SP4: variants seen among roughly 807,000 people sequenced by gnomAD.
SP4 encodes the protein Sp4 transcription factor, also known as transcription factor Sp4.
Under a neutral mutation model 72.8 loss-of-function variants are expected in SP4, and 19 were observed. That is an observed-to-expected ratio of 0.26 (90% CI 0.18 to 0.38). SP4 has a LOEUF of 0.38. Among genes scored for constraint, SP4 ranks in the 10% least tolerant of loss-of-function variants. The pLI is 1.00. For missense variants in SP4, 1,008 were observed against 926.3 expected, an observed-to-expected ratio of 1.09 and a Z score of -1.14; for synonymous variants, 395 against 333.1, an observed-to-expected ratio of 1.19 and a Z score of -2.02.
intron 3 of SP4, among the ~76,000 whole-genome samples, chr7:21,456,863 C>T (rs538374555): frequency 1.3e-5 from 2 of 152,332 alleles, no homozygotes; most frequent in East Asian, 3.9e-4. Context: ...CAAGGTCTTT[C>T]CCATCCCCAC....
chr7:21,508,751 A>G (rs868849046), intron 5 of SP4, among the ~76,000 whole-genome samples: 4 of 151,434 alleles, frequency 2.6e-5, no homozygotes, highest in African/African-American at 4.9e-5. Context: ...AGGCTTGCCA[A>G]CTGTGGCTTG....
intron 3 of SP4, among the ~76,000 whole-genome samples, chr7:21,459,430 C>A (rs1783882754): frequency 6.6e-6 from 1 of 152,042 alleles, no homozygotes; most frequent in Non-Finnish European, 1.5e-5. Flanking sequence ...ATTCTTATAC[C>A]CACCCACACA....
At chr7:21,447,538 C>G (rs553767865) in intron 3 of SP4, among the ~76,000 whole-genome samples, 1 of 152,196 alleles carries the variant, frequency 6.6e-6, no homozygotes, top group Non-Finnish European at 1.5e-5. Flanking sequence ...ATTTATAGTC[C>G]AAGAGGTCTC....
rs1782998709 is a variant in SP4 at position 21,434,925 on chromosome 7, C to A, written c.1678+4082C>A. Among the ~76,000 whole-genome samples, 2 of 152,166 alleles carry A rather than the reference C, an allele frequency of 1.3e-5. 1 individual carries two copies. The highest frequency in any genetic ancestry group is 6.8e-3 in the Middle Eastern group (2 of 294). On this transcript the variant is annotated intron_variant, in intron 3 of 5. Coordinates refer to ENST00000222584, the MANE Select transcript of SP4 (RefSeq NM_003112.5). ...AGCTCAAAGACAACTAATTGTACCT[C>A]TGGCTTAAGCTCCTTTATTTTAACT...
chr7:21,434,481 A>G (rs556409128), intron 3 of SP4, among the ~76,000 whole-genome samples: 16 of 152,348 alleles, frequency 1.1e-4, no homozygotes, highest in Admixed American at 5.2e-4. Flanking sequence ...CTTTGGTCTC[A>G]GCTGTAAATC....
intron 3 of SP4, among the ~76,000 whole-genome samples, chr7:21,470,135 C>T (rs1784288733): frequency 6.6e-6 from 1 of 152,126 alleles, no homozygotes; most frequent in Non-Finnish European, 1.5e-5. Flanking sequence ...ATTTAGCAGC[C>T]CTGTGATATA....
At chr7:21,465,118 A>G (rs1358850501) in intron 3 of SP4, among the ~76,000 whole-genome samples, 3 of 152,222 alleles carry the variant, frequency 2.0e-5, no homozygotes, top group East Asian at 3.8e-4. Context: ...AATAGTTGAC[A>G]GTTATCTGGA....
chr7:21,462,944 A>G (rs1207828366), intron 3 of SP4, among the ~76,000 whole-genome samples: 2 of 152,216 alleles, frequency 1.3e-5, no homozygotes, highest in Non-Finnish European at 2.9e-5. Flanking sequence ...CGTTGGTCAC[A>G]TGTGGCTTAT....
At chr7:21,498,535 C>T (rs1481899490) in intron 5 of SP4, among the ~76,000 whole-genome samples, 1 of 151,910 alleles carries the variant, frequency 6.6e-6, no homozygotes, top group Non-Finnish European at 1.5e-5. Flanking sequence ...AGGGGTGTTT[C>T]AGGAACTACA....
intron 5 of SP4, among the ~76,000 whole-genome samples, chr7:21,492,983 T>G (rs1158790002): frequency 6.6e-6 from 1 of 152,140 alleles, no homozygotes; most frequent in East Asian, 1.9e-4. Context: ...GTGGATCACC[T>G]GAGATCAGGA....
rs368652677 is a variant in SP4 at position 21,431,537 on chromosome 7, G to A, written c.1678+694G>A. ...GTAGATGTTTAATGTAAGGTTGGTG[G>A]AAAGCAATGAAAAATGTTGACAGTA... On this transcript the variant is annotated intron_variant, in intron 3 of 5. Coordinates refer to ENST00000222584, the MANE Select transcript of SP4 (RefSeq NM_003112.5). Among the ~76,000 whole-genome samples the A allele has an allele frequency of 4.7e-4, 72 of 152,162 alleles. 1 individual carries two copies. The highest frequency in any genetic ancestry group is 1.7e-3 in the African/African-American group (71 of 41,448).
At chr7:21,451,878 C>T (rs889252962) in intron 3 of SP4, among the ~76,000 whole-genome samples, 23 of 152,296 alleles carry the variant, frequency 1.5e-4, no homozygotes, top group Non-Finnish European at 2.9e-4. Flanking sequence ...CTGAGACTCC[C>T]AACATGCCAG....
At chr7:21,509,023 AAAT>A (rs559195585) in intron 5 of SP4, among the ~76,000 whole-genome samples, 5 of 152,112 alleles carry the variant, frequency 3.3e-5, no homozygotes, top group Non-Finnish European at 5.9e-5. Flanking sequence ...TAATAACTGT[AAAT>A]AATAATCTAT....
In SP4 at chr7:21,428,329, G is replaced by T. The variant is rs563824129; in HGVS notation, c.7+71G>T. On this transcript the variant is annotated intron_variant, in intron 1 of 5. Transcript: ENST00000222584. Reference sequence around the variant, plus strand: ...CTCCCTCCCTCCCCAGACCCTGCTCGGTTCTCCCCCCTCCCCCGGGGCCGC... The same window carrying T: ...CTCCCTCCCTCCCCAGACCCTGCTCTGTTCTCCCCCCTCCCCCGGGGCCGC... 9.1e-6 allele frequency: 7 copies of T among 768,222 alleles called. No individual in the cohort carries two copies. The East Asian group carries it at 1.1e-4, about 12-fold the overall frequency. The allele number at this position is 768,222 out of a possible 1,614,324, so 47.6% of individuals were successfully genotyped here.
chr7:21,496,175 G>C (rs1781699252), intron 5 of SP4, among the ~76,000 whole-genome samples: 1 of 152,080 alleles, frequency 6.6e-6, no homozygotes, highest in South Asian at 2.1e-4. Flanking sequence ...TGTTTATTTT[G>C]GTGGCGATTA....
chr7:21,478,786 C>T (rs944401503), intron 4 of SP4, among the ~76,000 whole-genome samples: 3 of 151,970 alleles, frequency 2.0e-5, no homozygotes, highest in Non-Finnish European at 4.4e-5. Context: ...ATATTGTCTC[C>T]TGGCTGGGCG....
At chr7:21,443,287 G>C (rs1198182004) in intron 3 of SP4, among the ~76,000 whole-genome samples, 2 of 152,128 alleles carry the variant, frequency 1.3e-5, no homozygotes, top group African/African-American at 2.4e-5. Context: ...CAGATCCTTG[G>C]AATAGACTCA....
chr7:21,474,232 A>T (rs888817744), intron 3 of SP4, among the ~76,000 whole-genome samples: 2 of 152,198 alleles, frequency 1.3e-5, no homozygotes, highest in Non-Finnish European at 2.9e-5. Context: ...ACCAAAATAA[A>T]GGTCATCTTA....
chr7:21,489,964 A>G (rs1293022526), intron 5 of SP4, among the ~76,000 whole-genome samples: 3 of 152,162 alleles, frequency 2.0e-5, no homozygotes, highest in Non-Finnish European at 4.4e-5. Flanking sequence ...GAATTTTCTT[A>G]TATAAATGTT....
Sources: allele counts gnomAD v4.1 joint callset (sites outside exome capture counted in the v4.1 genomes callset), GRCh38; gene constraint gnomAD v4.1.1; transcripts MANE v1.5; gene names NCBI Gene and HGNC (gene_info 2026-07-23, HGNC 2026-07-21).